The following KNL1 variants were observed in gnomAD, a reference collection of about 807,000 sequenced individuals.
The protein encoded by KNL1 is outer kinetochore KNL1 complex subunit KNL1.
KNL1 carries 66 observed loss-of-function variants against 201.3 expected under a neutral mutation model. The observed-to-expected ratio is 0.33, with a 90% CI of 0.27 to 0.40. The LOEUF (loss-of-function observed/expected upper bound fraction) is 0.40, where lower values mean the gene tolerates loss of function less well. Among genes scored for constraint, KNL1 ranks in the 10% least tolerant of loss-of-function variants. The pLI, the probability that KNL1 is intolerant of heterozygous loss-of-function variation, is 1.00. For missense variants in KNL1, 2,815 were observed against 2,690.5 expected (o/e 1.05, Z -1.02); for synonymous variants, 895 against 899.2 (o/e 1.00, Z 0.08).
intron 13 of KNL1, among the ~76,000 whole-genome samples, chr15:40,638,899 C>T (rs1010590878): frequency 5.3e-5 from 8 of 151,658 alleles, no homozygotes; most frequent in Non-Finnish European, 1.2e-4. Context: ...GCAACCTCCG[C>T]CTCCCGATTT....
In KNL1 at chr15:40,623,614, T is replaced by C; in HGVS notation, c.3350T>C (p.Ile1117Thr). 2 of 1,613,708 alleles carry C rather than the reference T, an allele frequency of 1.2e-6. No individual in the cohort carries two copies. Among genetic ancestry groups the C allele is most frequent in the Non-Finnish European group, 1.7e-6 (2 of 1,179,900 alleles). Residue 1117 changes from isoleucine (I) to threonine (T), a missense_variant, in exon 10 of 26, where the codon ATT becomes ACT. By Grantham distance (89) the Ile-to-Thr change is moderately conservative. Transcript: ENST00000399668. The part of the protein sequence containing the change: ...DFHLAGASKT[I>T]LYSCGQDDME... ...CATTTGGCAGGGGCTTCTAAAACTA[T>C]TTTGTATTCATGTGGGCAGGATGAC...
intron 14 of KNL1, among the ~76,000 whole-genome samples, chr15:40,644,775 C>T (rs2141752046): frequency 6.6e-6 from 1 of 152,344 alleles, no homozygotes; most frequent in South Asian, 2.1e-4. Context: ...ACTTTGATTT[C>T]ATACAACACA....
At chr15:40,652,608 A>C (rs1038384024) in intron 21 of KNL1, among the ~76,000 whole-genome samples, 1 of 151,852 alleles carries the variant, frequency 6.6e-6, no homozygotes, top group Non-Finnish European at 1.5e-5. Context: ...CATCTCTACT[A>C]AAACTACAAA....
rs1277484750 is a variant in KNL1, at chr15:40,625,464, G to A, written c.5200G>A (p.Glu1734Lys). The A allele has an allele frequency of 1.2e-6, 2 of 1,613,792 alleles. No individual in the cohort carries two copies. The highest frequency in any genetic ancestry group is 2.7e-5 in the African/African-American group (2 of 74,876). ...TTCAGACTCTATTAACATAGAAACT[G>A]AGGAAAAGGCCTTGATTGAGACATA... ...NSSDSINIETEEKALIETYQK... is the reference protein window; with the variant it reads ...NSSDSINIETKEKALIETYQK... The change falls in exon 10 of 26, where the codon GAG (glutamate) becomes AAG (lysine). Residue 1734 changes from glutamate to lysine, a missense_variant. Physicochemically the swap from Glu to Lys is moderately conservative, Grantham distance 56. Coordinates refer to ENST00000399668, the MANE Select transcript of KNL1 (RefSeq NM_144508.5).
intron 1 of KNL1, among the ~76,000 whole-genome samples, chr15:40,601,859 CTTTTTTTTTTTTTT>C (rs36046773): frequency 1.5e-5 from 1 of 64,620 alleles, no homozygotes; most frequent in Non-Finnish European, 2.7e-5. Flanking sequence ...AAAAATGCAT[CTTTTTTTTTTTTTT>C]TTTTTTTTTT....
At position 40,622,653 on chromosome 15, in the gene KNL1, A is replaced by G. The variant is rs1892582413; in HGVS notation, c.2389A>G (p.Met797Val). Residue 797 changes from methionine to valine, a missense_variant, in exon 10 of 26, where the codon ATG becomes GTG. Met to Val is a conservative substitution (Grantham distance 21). Coordinates refer to ENST00000399668, the MANE Select transcript of KNL1 (RefSeq NM_144508.5). ...ACACACTACTGGCCAGCTAACAACA[A>G]TGAACAGACAGATAGCTGTAAAAGT... ...LEHTTGQLTTMNRQIAVKVEK... is the reference protein window; with the variant it reads ...LEHTTGQLTTVNRQIAVKVEK... The G allele has an allele frequency of 1.9e-6, 3 of 1,591,774 alleles. No individual in the cohort carries two copies. Among genetic ancestry groups the G allele is most frequent in the Non-Finnish European group, 2.6e-6 (3 of 1,171,664 alleles).
At chr15:40,641,925 A>C (rs574052754) in intron 14 of KNL1, among the ~76,000 whole-genome samples, 21 of 152,370 alleles carry the variant, frequency 1.4e-4, no homozygotes, top group African/African-American at 4.8e-4. Context: ...CAAATTAGAT[A>C]CATCTAGATT....
chr15:40,628,280 C>A, intron 11 of KNL1, 72 bp downstream of exon 11: 1 of 1,451,604 alleles, frequency 6.9e-7, no homozygotes, highest in Non-Finnish European at 9.2e-7. Context: ...GTTTTCAGTT[C>A]AGGAAATATT....
chr15:40,625,809 T>TTG (rs1228740990), intron 10 of KNL1, 169 bp downstream of exon 10: 1 of 566,708 alleles, frequency 1.8e-6, no homozygotes, highest in Admixed American at 3.3e-5. Flanking sequence ...CAGAAATTAA[T>TTG]TGACTAACAG....
Position 40,605,473 on chromosome 15 carries a change from A to G in KNL1, c.75+324A>G, listed in dbSNP as rs541103632. Among the ~76,000 whole-genome samples the G allele has an allele frequency of 9.8e-5, 15 of 152,298 alleles. 1 individual carries two copies. In the South Asian group the frequency reaches 2.9e-3, roughly 29 times the overall value. On this transcript the variant is annotated intron_variant, in intron 3 of 25. Coordinates refer to ENST00000399668, the MANE Select transcript of KNL1 (RefSeq NM_144508.5). Reference sequence around the variant, plus strand: ...CCCAAACTGCTTTTGTGTTTTTGAGATAGAGTCTCGCTCTGTCGCCCAGGC... The same window carrying G: ...CCCAAACTGCTTTTGTGTTTTTGAGGTAGAGTCTCGCTCTGTCGCCCAGGC...
chr15:40,621,295 A>G lies in KNL1; in HGVS notation c.1031A>G (p.Gln344Arg), dbSNP rs1415155195. The change falls in exon 10 of 26, where the codon CAG becomes CGG. Residue 344 changes from glutamine (Q) to arginine (R), a missense_variant. Around this residue, in one of 3 missense-constraint regions of KNL1, gnomAD observed 2,464 missense variants for 2,291.7 expected, o/e 1.08. Transcript: ENST00000399668. ...GNFSEIENQTQNAMDVTTGYG... is the reference protein window; with the variant it reads ...GNFSEIENQTRNAMDVTTGYG... ...TTTTCTGAAATAGAAAATCAAACTC[A>G]GAATGCCATGGATGTAACAACAGGT... 1 of 1,614,032 alleles carries G rather than the reference A, an allele frequency of 6.2e-7. No homozygotes were observed. Among genetic ancestry groups the G allele is most frequent in the South Asian group, 1.1e-5 (1 of 91,078 alleles).
At chr15:40,605,730 G>A (rs766334064) in intron 3 of KNL1, among the ~76,000 whole-genome samples, 9 of 152,158 alleles carry the variant, frequency 5.9e-5, no homozygotes, top group African/African-American at 1.2e-4. Context: ...GATTACAGGC[G>A]TGAGCCACTG....
intron 22 of KNL1, among the ~76,000 whole-genome samples, chr15:40,656,529 T>C (rs1290795250): frequency 1.3e-5 from 2 of 152,228 alleles, no homozygotes; most frequent in Non-Finnish European, 2.9e-5. Flanking sequence ...GATAAAGTCT[T>C]GAGTTTTTGT....
chr15:40,649,825 A>C (rs1893500462), intron 17 of KNL1, among the ~76,000 whole-genome samples: 1 of 152,190 alleles, frequency 6.6e-6, no homozygotes, highest in Admixed American at 6.5e-5. Context: ...TTTTCACCAA[A>C]GAAAGTAGTC....
rs755528823 is a variant in KNL1, at chr15:40,621,876, T to A, written c.1612T>A (p.Ser538Thr). 1.9e-6 allele frequency: 3 copies of A among 1,614,072 alleles called. No homozygotes were observed. The South Asian group carries it at 3.3e-5, about 18-fold the overall frequency. The change falls in exon 10 of 26, where the codon TCA becomes ACA. Residue 538 changes from serine to threonine, a missense_variant. Ser to Thr is a moderately conservative substitution (Grantham distance 58). Around this residue, in one of 3 missense-constraint regions of KNL1, gnomAD observed 2,464 missense variants for 2,291.7 expected, o/e 1.08. Transcript: ENST00000399668. The stretch of plus-strand genomic sequence containing the variant: ...TGGGAAAATGAATGTAAATTGTAAC[T>A]CAGTTCCTCATGTATCTAAGGAAAG... ...EDGKMNVNCN[S>T]VPHVSKERIQ...
At position 40,660,886 on chromosome 15, in the gene KNL1, C is replaced by T. The variant is rs929084948; in HGVS notation, c.6837-1188C>T. 1.9e-4 allele frequency among the ~76,000 whole-genome samples: 29 copies of T among 152,086 alleles called. No homozygotes were observed. In the East Asian group the frequency reaches 5.4e-3, roughly 29 times the overall value. On this transcript the variant is annotated intron_variant, in intron 25 of 25. Coordinates refer to ENST00000399668, the MANE Select transcript of KNL1 (RefSeq NM_144508.5). Reference sequence around the variant, plus strand: ...GCTGAGGTGGGAGGATTGCTTGAGCCTGGGAGGTGGAGATTGTGGTGAGCC... The same window carrying T: ...GCTGAGGTGGGAGGATTGCTTGAGCTTGGGAGGTGGAGATTGTGGTGAGCC...
In KNL1 at chr15:40,624,258, T is replaced by C. The variant is rs766598499; in HGVS notation, c.3994T>C (p.Tyr1332His). 6.2e-7 allele frequency: 1 copy of C among 1,613,938 alleles called. No homozygotes were observed. The highest frequency in any genetic ancestry group is 1.3e-5 in the African/African-American group (1 of 74,930). Residue 1332 changes from tyrosine to histidine, a missense_variant, in exon 10 of 26, where the codon TAT (tyrosine) becomes CAT (histidine). This residue lies in a region of KNL1 where 2,464 missense variants were observed against 2,291.7 expected (regional missense o/e 1.08). Coordinates refer to ENST00000399668, the MANE Select transcript of KNL1 (RefSeq NM_144508.5). The stretch of plus-strand genomic sequence containing the variant: ...TGATAAAGATGAGGAAAAAGCCAAT[T>C]ATTGCCCAGTGCAAAATGATCTTGC... ...LCDKDEEKAN[Y>H]CPVQNDLAYA...
chr15:40,645,811 A>G, intron 16 of KNL1, 39 bp downstream of exon 16: 1 of 1,075,656 alleles, frequency 9.3e-7, no homozygotes, highest in Non-Finnish European at 1.3e-6. Context: ...AGAGAGAGAT[A>G]TTAAAATTAC....
chr15:40,642,353 C>T (rs1054581765), intron 14 of KNL1, among the ~76,000 whole-genome samples: 2 of 150,998 alleles, frequency 1.3e-5, no homozygotes, highest in African/African-American at 2.4e-5. Context: ...GAGCTGAGAT[C>T]GCACCACTGC....
Sources: gnomAD v4.1 joint callset for allele counts (sites outside exome capture counted in the v4.1 genomes callset) on GRCh38, gnomAD v4.1.1 for gene constraint, gnomAD v4.1.1 regional missense constraint, MANE v1.5 for transcripts, NCBI Gene and HGNC (gene_info 2026-07-23, HGNC 2026-07-21) for gene names.